SLC2A10: variants seen among roughly 807,000 people sequenced by gnomAD.
SLC2A10 encodes the protein solute carrier family 2, facilitated glucose transporter member 10.
SLC2A10 carries 25 observed loss-of-function variants against 32.1 expected under a neutral mutation model. The observed-to-expected ratio is 0.78, with a 90% confidence interval of 0.57 to 1.09. The LOEUF is 1.09. Among genes scored for constraint, SLC2A10 ranks in the 50% least tolerant of loss-of-function variants. The pLI is 0.00. For missense variants in SLC2A10, 673 were observed against 686.5 expected (o/e 0.98, Z 0.22); for synonymous variants, 332 against 309.6 (o/e 1.07, Z -0.76).
intron 1 of SLC2A10, among the ~76,000 whole-genome samples, chr20:46,720,777 C>A (rs1979506752): frequency 6.6e-6 from 1 of 152,194 alleles, no homozygotes; most frequent in Non-Finnish European, 1.5e-5. Flanking sequence ...GATGTTGTAA[C>A]ATCTTTCATT....
At chr20:46,717,974 C>T (rs538297079) in intron 1 of SLC2A10, among the ~76,000 whole-genome samples, 1 of 152,242 alleles carries the variant, frequency 6.6e-6, no homozygotes, top group East Asian at 1.9e-4. Flanking sequence ...GTAATCCCAA[C>T]ACTTTGGGAG....
chr20:46,722,099 A>G (rs553027443), intron 1 of SLC2A10, among the ~76,000 whole-genome samples: 2 of 151,738 alleles, frequency 1.3e-5, no homozygotes, highest in South Asian at 2.1e-4. Context: ...ATCAGAAAAT[A>G]GTTTATAAAA....
chr20:46,710,284 C>T (rs1978834431), intron 1 of SLC2A10: 1 of 381,028 alleles, frequency 2.6e-6, no homozygotes, highest in Admixed American at 4.5e-5. Context: ...TTTGTTGCCA[C>T]TCGGGACTAG....
In SLC2A10 at chr20:46,727,477, C is replaced by T. The variant is rs1002943359; in HGVS notation, c.1411+491C>T. 7.9e-5 allele frequency among the ~76,000 whole-genome samples: 12 copies of T among 152,176 alleles called. 1 individual carries two copies. The highest frequency in any genetic ancestry group is 2.1e-4 in the South Asian group (1 of 4,810). On this transcript the variant is annotated intron_variant, in intron 3 of 4. Transcript: ENST00000359271. Reference sequence around the variant, plus strand: ...CTGGGACTACAGGCACCCGCCACCACGCCCGGCTAATTTTTGTATTTTTTG... The same window carrying T: ...CTGGGACTACAGGCACCCGCCACCATGCCCGGCTAATTTTTGTATTTTTTG...
chr20:46,714,520 A>G (rs928283821), intron 1 of SLC2A10: 1 of 152,666 alleles, frequency 6.6e-6, no homozygotes, highest in Middle Eastern at 3.2e-3. Flanking sequence ...CTGGGACTGA[A>G]GAGGGAGAGT....
chr20:46,709,650 T>C lies in SLC2A10; in HGVS notation c.-87T>C, dbSNP rs1259467604. The stretch of plus-strand genomic sequence containing the variant: ...AGGCGGGGGCGGGCCGGAAAGTTTG[T>C]CCGGCGGCAGCGGCGTTGGGGACTC... On this transcript the variant is annotated 5_prime_UTR_variant, in exon 1 of 5. Coordinates refer to ENST00000359271, the MANE Select transcript of SLC2A10 (RefSeq NM_030777.4). The C allele has an allele frequency of 2.7e-6, 4 of 1,493,394 alleles. No homozygotes were observed. The highest frequency in any genetic ancestry group is 2.9e-5 in the African/African-American group (2 of 68,948). The allele number at this position is 1,493,394 out of a possible 1,614,324, so 92.5% of individuals were successfully genotyped here.
chr20:46,724,983 GATGGATGGT>G, intron 1 of SLC2A10, 49 bp from the exon 2 acceptor site: 1 of 1,612,234 alleles, frequency 6.2e-7, no homozygotes, highest in Admixed American at 1.7e-5. Context: ...AGGTTGAATG[GATGGATGGT>G]ATGACAAGGA....
intron 1 of SLC2A10, among the ~76,000 whole-genome samples, chr20:46,715,921 T>C (rs1022458125): frequency 1.1e-4 from 17 of 152,008 alleles, no homozygotes; most frequent in African/African-American, 3.9e-4. Flanking sequence ...AACCTCAAAC[T>C]CCTGGGCTCA....
In SLC2A10 at chr20:46,725,518, C is replaced by A. The variant is rs767213709; in HGVS notation, c.482C>A (p.Pro161His). The A allele has an allele frequency of 1.9e-6, 3 of 1,614,174 alleles. No individual in the cohort carries two copies. The highest frequency in any genetic ancestry group is 2.2e-5 in the South Asian group (2 of 91,084). The change falls in exon 2 of 5, where the codon CCC becomes CAC. Residue 161 changes from proline (P) to histidine (H), a missense_variant. Physicochemically the swap from Pro to His is moderately conservative, Grantham distance 77 (BLOSUM62 -2). Coordinates refer to ENST00000359271, the MANE Select transcript of SLC2A10 (RefSeq NM_030777.4). The part of the protein sequence containing the change: ...YALNYALAGT[P>H]WGWRHMFGWA... ...CTCAACTATGCACTGGCTGGTACCC[C>A]CTGGGGATGGAGGCACATGTTCGGC...
chr20:46,727,036 T>C (rs1175428734), intron 3 of SLC2A10, 50 bp downstream of exon 3: 3 of 1,613,486 alleles, frequency 1.9e-6, no homozygotes, highest in Non-Finnish European at 2.5e-6. Flanking sequence ...CCAAGCTCCC[T>C]ACTCTAAAGC....
chr20:46,720,070 C>T (rs1446859627), intron 1 of SLC2A10, among the ~76,000 whole-genome samples: 9 of 152,166 alleles, frequency 5.9e-5, no homozygotes, highest in African/African-American at 2.2e-4. Context: ...TTCATTTTAT[C>T]TTCCCACTGG....
intron 1 of SLC2A10, among the ~76,000 whole-genome samples, chr20:46,711,754 T>G (rs774982584): frequency 3.9e-5 from 6 of 152,042 alleles, no homozygotes; most frequent in Non-Finnish European, 8.8e-5. Flanking sequence ...CAGAACTGGG[T>G]TCTAGACCCA....
intron 1 of SLC2A10, among the ~76,000 whole-genome samples, chr20:46,717,455 G>C (rs1359194766): frequency 2.0e-5 from 3 of 152,000 alleles, no homozygotes; most frequent in East Asian, 1.9e-4. Flanking sequence ...GTGCAATCTC[G>C]GTTCACTACA....
Position 46,726,165 on chromosome 20 carries a change from C to A in SLC2A10, c.1129C>A (p.His377Asn). The stretch of plus-strand genomic sequence containing the variant: ...GTCCACTGCTAAGAAAACCAAGCCC[C>A]ATCCCAGATCTGGAGACCCCTCAGC... ...ILSTAKKTKP[H>N]PRSGDPSAPP... The change falls in exon 2 of 5, where the codon CAT becomes AAT. Residue 377 changes from histidine to asparagine, a missense_variant. Transcript: ENST00000359271. 1 of 1,614,286 alleles carries A rather than the reference C, an allele frequency of 6.2e-7. No homozygotes were observed. Among genetic ancestry groups the A allele is most frequent in the Non-Finnish European group, 8.5e-7 (1 of 1,180,044 alleles).
At chr20:46,711,363 A>T (rs1252423198) in intron 1 of SLC2A10, among the ~76,000 whole-genome samples, 1 of 152,188 alleles carries the variant, frequency 6.6e-6, no homozygotes, top group Non-Finnish European at 1.5e-5. Context: ...TTCTGACTCC[A>T]GTCTGCATTC....
At chr20:46,718,314 C>T (rs1724155782) in intron 1 of SLC2A10, among the ~76,000 whole-genome samples, 1 of 152,098 alleles carries the variant, frequency 6.6e-6, no homozygotes, top group Admixed American at 6.5e-5. Flanking sequence ...GGATTTCTGT[C>T]TTTTCTCCTT....
Position 46,709,655 on chromosome 20 carries a change from C to T in SLC2A10, c.-82C>T, listed in dbSNP as rs1978783926. On this transcript the variant is annotated 5_prime_UTR_variant, in exon 1 of 5. Coordinates refer to ENST00000359271, the MANE Select transcript of SLC2A10 (RefSeq NM_030777.4). The stretch of plus-strand genomic sequence containing the variant: ...GGGGCGGGCCGGAAAGTTTGTCCGG[C>T]GGCAGCGGCGTTGGGGACTCCGGCG... The T allele has an allele frequency of 2.0e-6, 3 of 1,498,512 alleles. No homozygotes were observed. The highest frequency in any genetic ancestry group is 2.5e-5 in the South Asian group (2 of 80,332). The allele number at this position is 1,498,512 out of a possible 1,614,324, so 92.8% of individuals were successfully genotyped here. A position where few individuals can be genotyped will look rare whatever the true frequency, so the allele number is the denominator to read the frequency against.
intron 1 of SLC2A10, among the ~76,000 whole-genome samples, chr20:46,711,099 T>C (rs568911468): frequency 4.8e-4 from 73 of 152,312 alleles, no homozygotes; most frequent in African/African-American, 1.7e-3. Flanking sequence ...CTTGATCTCC[T>C]GACCTCGTGA....
chr20:46,728,333 C>T (rs573852474), intron 3 of SLC2A10, among the ~76,000 whole-genome samples: 430 of 152,230 alleles, frequency 2.8e-3, no homozygotes, highest in African/African-American at 9.9e-3. Context: ...AGAATGGCTT[C>T]CAAAACATAA....
Sources: gnomAD v4.1 joint callset for allele counts (sites outside exome capture counted in the v4.1 genomes callset) on GRCh38, gnomAD v4.1.1 for gene constraint, MANE v1.5 for transcripts, NCBI Gene and HGNC (gene_info 2026-07-23, HGNC 2026-07-21) for gene names.